Variants in BICD1 observed in about 807,000 individuals in gnomAD.
BICD1 encodes BICD cargo adaptor 1.
Under a neutral mutation model 92.5 loss-of-function variants are expected in BICD1, and 35 were observed. The ratio of observed to expected loss-of-function variants is 0.38; its 90% CI spans 0.29 to 0.50. The LOEUF (loss-of-function observed/expected upper bound fraction) is 0.50, where lower values mean the gene tolerates loss of function less well. Among genes scored for constraint, BICD1 ranks in the 20% least tolerant of loss-of-function variants. The pLI is 0.93. For missense variants in BICD1, 950 were observed against 1,189.8 expected (o/e 0.80, Z 2.97); for synonymous variants, 429 against 465.1 (o/e 0.92, Z 1.00).
chr12:32,318,488 T>A (rs1185407574), intron 4 of BICD1, among the ~76,000 whole-genome samples: 1 of 152,134 alleles, frequency 6.6e-6, no homozygotes, highest in East Asian at 1.9e-4. Flanking sequence ...TGAATGGGAG[T>A]TCACTCATGC....
chr12:32,153,985 G>A (rs956349901), intron 1 of BICD1, among the ~76,000 whole-genome samples: 2 of 151,910 alleles, frequency 1.3e-5, no homozygotes, highest in African/African-American at 4.8e-5. Flanking sequence ...GTTTATTGTC[G>A]TATACTCCTG....
intron 2 of BICD1, among the ~76,000 whole-genome samples, chr12:32,230,494 G>T (rs1405308791): frequency 6.6e-6 from 1 of 152,044 alleles, no homozygotes; most frequent in Non-Finnish European, 1.5e-5. Flanking sequence ...CATCTGTGTG[G>T]GTATTGAGAA....
chr12:32,356,121 G>T (rs1939085168), intron 8 of BICD1, among the ~76,000 whole-genome samples: 1 of 152,114 alleles, frequency 6.6e-6, no homozygotes, highest in Non-Finnish European at 1.5e-5. Flanking sequence ...AGAGCTGCAT[G>T]CTTTCACAAA....
intron 1 of BICD1, among the ~76,000 whole-genome samples, chr12:32,215,023 G>A (rs1592490146): frequency 6.6e-6 from 1 of 152,176 alleles, no homozygotes; most frequent in Non-Finnish European, 1.5e-5. Flanking sequence ...GAGGTCAGGA[G>A]TTTGAGACCA....
chr12:32,303,843 G>A (rs1204807459), intron 3 of BICD1, among the ~76,000 whole-genome samples: 2 of 152,134 alleles, frequency 1.3e-5, no homozygotes, highest in African/African-American at 2.4e-5. Flanking sequence ...GGGAGGCTGA[G>A]GTGGGTGGAT....
chr12:32,141,524 A>G (rs1942919000), intron 1 of BICD1, among the ~76,000 whole-genome samples: 1 of 152,030 alleles, frequency 6.6e-6, no homozygotes, highest in Non-Finnish European at 1.5e-5. Context: ...CCCAGGCTGG[A>G]GTGCAGTGGT....
intron 2 of BICD1, among the ~76,000 whole-genome samples, chr12:32,291,241 A>T (rs962798589): frequency 3.3e-5 from 5 of 152,206 alleles, no homozygotes; most frequent in Non-Finnish European, 7.3e-5. Context: ...TACAGTTAAC[A>T]TCTATAGAAT....
intron 6 of BICD1, among the ~76,000 whole-genome samples, chr12:32,336,022 A>G (rs1938105566): frequency 6.6e-6 from 1 of 152,308 alleles, no homozygotes; most frequent in Admixed American, 6.5e-5. Flanking sequence ...CAAACAAAAA[A>G]AGATCTCTTG....
intron 2 of BICD1, among the ~76,000 whole-genome samples, chr12:32,235,226 A>G (rs1946028375): frequency 6.6e-6 from 1 of 152,162 alleles, no homozygotes; most frequent in South Asian, 2.1e-4. Flanking sequence ...GTTTGTAAAA[A>G]CAGGTGTCCC....
chr12:32,243,429 G>T lies in BICD1; in HGVS notation c.426+26970G>T, dbSNP rs904136082. Among the ~76,000 whole-genome samples the T allele has an allele frequency of 1.7e-4, 26 of 151,212 alleles. 1 individual carries two copies. Among genetic ancestry groups the T allele is most frequent in the Admixed American group, 1.4e-3 (21 of 15,134 alleles). ...GCGTCTGGCCAGGGTTATTTCTTAG[G>T]GATAGCATTCCAGAAATATAATTAA... On this transcript the variant is annotated intron_variant, in intron 2 of 9. Transcript: ENST00000652176.
At chr12:32,321,210 CA>C (rs1948647926) in intron 4 of BICD1, among the ~76,000 whole-genome samples, 1 of 152,024 alleles carries the variant, frequency 6.6e-6, no homozygotes, top group African/African-American at 2.4e-5. Context: ...CCTGTAAGCC[CA>C]ACTACTCGGG....
At chr12:32,282,202 CTTTTTTTTTTTTTTTTTTT>C (rs56217529) in intron 2 of BICD1, among the ~76,000 whole-genome samples, 2,261 of 94,264 alleles carry the variant, frequency 0.024, 75 homozygotes, top group African/African-American at 0.079. Flanking sequence ...AGGTCTTCTT[CTTTTTTTTTTTTTTTTTTT>C]TTTTTTTTTT....
chr12:32,213,947 T>C (rs980676464), intron 1 of BICD1, among the ~76,000 whole-genome samples: 12 of 152,358 alleles, frequency 7.9e-5, no homozygotes, highest in Middle Eastern at 3.4e-3. Flanking sequence ...CAGTTATTAG[T>C]GTTTGCTAAA....
intron 9 of BICD1, among the ~76,000 whole-genome samples, chr12:32,374,633 TCTCAG>T (rs1939862360): frequency 6.7e-6 from 1 of 148,780 alleles, no homozygotes; most frequent in Non-Finnish European, 1.5e-5. Context: ...AATGGCGTGA[TCTCAG>T]CTCACCGCAA....
intron 1 of BICD1, among the ~76,000 whole-genome samples, chr12:32,210,662 A>T (rs1945190460): frequency 6.6e-6 from 1 of 152,250 alleles, no homozygotes; most frequent in African/African-American, 2.4e-5. Flanking sequence ...CAGACATGAT[A>T]GGAAATCATA....
intron 8 of BICD1, among the ~76,000 whole-genome samples, chr12:32,363,618 C>T (rs1820982716): frequency 6.6e-6 from 1 of 152,086 alleles, no homozygotes; most frequent in Non-Finnish European, 1.5e-5. Context: ...ATCACAACCT[C>T]CAGGAAGCAC....
At chr12:32,281,495 C>T (rs998438957) in intron 2 of BICD1, among the ~76,000 whole-genome samples, 1 of 152,094 alleles carries the variant, frequency 6.6e-6, no homozygotes, top group African/African-American at 2.4e-5. Context: ...GTTTCTCTGG[C>T]CCTCATTAAT....
intron 8 of BICD1, among the ~76,000 whole-genome samples, chr12:32,354,790 T>A (rs1319173693): frequency 1.3e-5 from 2 of 152,210 alleles, no homozygotes; most frequent in Non-Finnish European, 2.9e-5. Context: ...TTGAAAATAG[T>A]TATTTTCCTA....
rs537153206 is a variant in BICD1, at chr12:32,329,812, T to C, written c.2100+1257T>C. Among the ~76,000 whole-genome samples the C allele has an allele frequency of 2.0e-5, 3 of 152,328 alleles. No individual in the cohort carries two copies. The South Asian group carries it at 6.2e-4, about 32-fold the overall frequency. ...TTAATGACTGAAATTGTTTTCACCC[T>C]GAGTTTTACCTTGGTGGGAGTGCTG... On this transcript the variant is annotated intron_variant, in intron 5 of 9. Coordinates refer to ENST00000652176, the MANE Select transcript of BICD1 (RefSeq NM_001714.4).
Sources: allele counts gnomAD v4.1 joint callset (sites outside exome capture counted in the v4.1 genomes callset), GRCh38; gene constraint gnomAD v4.1.1; transcripts MANE v1.5; gene names NCBI Gene and HGNC (gene_info 2026-07-23, HGNC 2026-07-21).